The following TMEM117 variants were observed in gnomAD, a reference collection of about 807,000 sequenced individuals.
The protein encoded by TMEM117 is transmembrane protein 117.
A neutral mutation model predicts 52.4 loss-of-function variants in TMEM117; 27 were observed. That is an observed-to-expected ratio of 0.51 (90% confidence interval 0.38 to 0.71). The LOEUF is 0.71. Among genes scored for constraint, TMEM117 ranks in the 30% least tolerant of loss-of-function variants. The pLI is 0.00. For synonymous variants in TMEM117, 215 were observed against 206.3 expected (o/e 1.04, Z -0.36); for missense variants, 556 against 630.5 (o/e 0.88, Z 1.26).
the TMEM117 span, among the ~76,000 whole-genome samples, chr12:43,810,191 C>T: frequency 6.6e-6 from 1 of 152,164 alleles, no homozygotes; most frequent in Admixed American, 6.5e-5. Flanking sequence ...GATTTTCACC[C>T]TGGGTTGGAA....
rs577608982 is a variant in TMEM117 at position 44,045,124 on chromosome 12, C to T, written c.411-98401C>T. ...CCATTCTGTGGACACCACTCAACCTCTTTCCCCAGTCACCCCTGTCATTGC... is the reference window on the plus strand; with the variant it reads ...CCATTCTGTGGACACCACTCAACCTTTTTCCCCAGTCACCCCTGTCATTGC... On this transcript the variant is annotated intron_variant, in intron 3 of 7. Transcript: ENST00000266534. Among the ~76,000 whole-genome samples the T allele has an allele frequency of 5.9e-5, 9 of 152,330 alleles. No individual in the cohort carries two copies. In the East Asian group the frequency reaches 1.7e-3, roughly 29 times the overall value.
chr12:44,111,590 G>A (rs1297379000), intron 3 of TMEM117, among the ~76,000 whole-genome samples: 1 of 94,330 alleles, frequency 1.1e-5, no homozygotes, highest in African/African-American at 5.7e-5. Context: ...TATAATTTCT[G>A]TTCTTTTACA....
intron 5 of TMEM117, among the ~76,000 whole-genome samples, chr12:44,215,144 C>A (rs936812320): frequency 4.6e-5 from 7 of 152,134 alleles, no homozygotes; most frequent in African/African-American, 1.4e-4. Flanking sequence ...CAAAGGAAAT[C>A]TTTCTTAAGT....
At chr12:43,948,764 C>A (rs1945174375) in intron 3 of TMEM117, among the ~76,000 whole-genome samples, 1 of 152,088 alleles carries the variant, frequency 6.6e-6, no homozygotes, top group South Asian at 2.1e-4. Context: ...ATCTTTAGAA[C>A]AGCTGGAGGA....
intron 1 of TMEM117, among the ~76,000 whole-genome samples, chr12:43,843,200 T>G (rs1450333509): frequency 6.6e-6 from 1 of 152,200 alleles, no homozygotes; most frequent in Non-Finnish European, 1.5e-5. Flanking sequence ...CTTTCTGAAT[T>G]CTAACTAAAC....
intron 3 of TMEM117, chr12:44,008,669 T>G: frequency 3.8e-6 from 1 of 266,268 alleles, no homozygotes; most frequent in South Asian, 5.2e-5. Context: ...GCTTTTCTGG[T>G]GTCTAAGACG....
At chr12:43,857,719 GA>G (rs752506415) in intron 2 of TMEM117, among the ~76,000 whole-genome samples, 64 of 152,320 alleles carry the variant, frequency 4.2e-4, no homozygotes, top group South Asian at 8.3e-4. Flanking sequence ...GATGCTGCCA[GA>G]ATTTTCCCCT....
chr12:44,155,638 T>G (rs1948815572), intron 4 of TMEM117, among the ~76,000 whole-genome samples: 1 of 152,062 alleles, frequency 6.6e-6, no homozygotes, highest in Non-Finnish European at 1.5e-5. Flanking sequence ...AGTAGAAGTG[T>G]GAAACATCTG....
chr12:44,040,287 A>G lies in TMEM117; in HGVS notation c.410+95945A>G, dbSNP rs139665838. Among the ~76,000 whole-genome samples the G allele has an allele frequency of 9.4e-3, 1,419 of 151,300 alleles. 15 individuals carry two copies. Among genetic ancestry groups the G allele is most frequent in the East Asian group, 0.036 (189 of 5,190 alleles). On this transcript the variant is annotated intron_variant, in intron 3 of 7. Coordinates refer to ENST00000266534, the MANE Select transcript of TMEM117 (RefSeq NM_032256.3). ...AGTTTATATAATTTAATTTTAAATT[A>G]TGATCATATTTAACAACTGGCTCAC...
At chr12:44,369,975 T>A (rs1031709147) in intron 6 of TMEM117, among the ~76,000 whole-genome samples, 1 of 152,150 alleles carries the variant, frequency 6.6e-6, no homozygotes, top group African/African-American at 2.4e-5. Flanking sequence ...TCCTGCAATG[T>A]CTCTATTGTT....
In TMEM117 at chr12:44,388,302, T is replaced by C. The variant is rs1395109602; in HGVS notation, c.1175T>C (p.Val392Ala). The C allele has an allele frequency of 4.3e-6, 7 of 1,613,626 alleles. No individual in the cohort carries two copies. The highest frequency in any genetic ancestry group is 5.9e-6 in the Non-Finnish European group (7 of 1,179,674). The change falls in exon 8 of 8, where the codon GTC becomes GCC. Residue 392 changes from valine to alanine, a missense_variant. Val to Ala is a moderately conservative substitution (Grantham distance 64). Transcript: ENST00000266534. ...HSRFIGASLD[V>A]KCLAFVPSLI... Reference sequence around the variant, plus strand: ...AGGTTCATAGGAGCCAGTCTTGATGTCAAGTGTCTGGCCTTTGTTCCAAGC... The same window carrying C: ...AGGTTCATAGGAGCCAGTCTTGATGCCAAGTGTCTGGCCTTTGTTCCAAGC...
At chr12:43,946,933 T>C (rs116884551) in intron 3 of TMEM117, among the ~76,000 whole-genome samples, 1,600 of 152,350 alleles carry the variant, frequency 0.011, 28 homozygotes, top group East Asian at 0.042. Flanking sequence ...TCTTCACCAT[T>C]ATGCCTCATC....
chr12:44,068,984 G>T (rs959679672), intron 3 of TMEM117, among the ~76,000 whole-genome samples: 1 of 152,022 alleles, frequency 6.6e-6, no homozygotes, highest in Admixed American at 6.6e-5. Flanking sequence ...TTTTTTCCTG[G>T]GTCTTACCAA....
In TMEM117 at chr12:43,900,327, C is replaced by T. The variant is rs556644669; in HGVS notation, c.278-43883C>T. Among the ~76,000 whole-genome samples, 3 of 152,200 alleles carry T rather than the reference C, an allele frequency of 2.0e-5. No homozygotes were observed. In the East Asian group the frequency reaches 5.8e-4, roughly 29 times the overall value. On this transcript the variant is annotated intron_variant, in intron 2 of 7. Coordinates refer to ENST00000266534, the MANE Select transcript of TMEM117 (RefSeq NM_032256.3). The stretch of plus-strand genomic sequence containing the variant: ...TAGGAAGTTACAGCAGCGACCACTG[C>T]TTTTTGGAAAATTACCCATTAATTT...
At chr12:44,152,420 C>A (rs1274431252) in intron 4 of TMEM117, among the ~76,000 whole-genome samples, 11 of 107,910 alleles carry the variant, frequency 1.0e-4, no homozygotes, top group Admixed American at 4.7e-4. Context: ...ATATAAATTT[C>A]TATATTTATA....
At chr12:44,261,535 TA>T (rs980590327) in intron 5 of TMEM117, among the ~76,000 whole-genome samples, 6 of 152,218 alleles carry the variant, frequency 3.9e-5, no homozygotes, top group Admixed American at 3.3e-4. Context: ...GTTTATATTT[TA>T]AAAAAACTTG....
At chr12:44,090,879 A>C (rs1947660148) in intron 3 of TMEM117, among the ~76,000 whole-genome samples, 1 of 132,266 alleles carries the variant, frequency 7.6e-6, no homozygotes, top group African/African-American at 3.2e-5. Context: ...GAGTGCAGGC[A>C]TCACCTCTTG....
At chr12:43,907,889 C>T (rs1258120564) in intron 2 of TMEM117, among the ~76,000 whole-genome samples, 2 of 110,222 alleles carry the variant, frequency 1.8e-5, no homozygotes, top group African/African-American at 2.7e-5. Context: ...CCAAAAGTGA[C>T]GGGGAGAATG....
chr12:44,101,113 C>T (rs1947853492), intron 3 of TMEM117, among the ~76,000 whole-genome samples: 3 of 151,816 alleles, frequency 2.0e-5, no homozygotes, highest in South Asian at 4.2e-4. Flanking sequence ...TAGAAGAGCA[C>T]TAATCCCATT....
Sources: allele counts gnomAD v4.1 joint callset (sites outside exome capture counted in the v4.1 genomes callset), GRCh38; gene constraint gnomAD v4.1.1; transcripts MANE v1.5; gene names NCBI Gene and HGNC (gene_info 2026-07-23, HGNC 2026-07-21).